GABRG3: variants seen among roughly 807,000 people sequenced by gnomAD.
The protein encoded by GABRG3 is gamma-aminobutyric acid receptor subunit gamma-3.
Under a neutral mutation model 48.8 loss-of-function variants are expected in GABRG3, and 25 were observed. The observed-to-expected ratio is 0.51, with a 90% CI of 0.37 to 0.72. GABRG3 has a LOEUF of 0.72. GABRG3 is among the 30% of genes least tolerant of loss of function. The probability of loss-of-function intolerance (pLI) is 0.00; values close to 1 mark genes in which losing one functional copy is unlikely to be tolerated. For missense variants in GABRG3, 394 were observed against 577.9 expected, an observed-to-expected ratio of 0.68 and a Z score of 3.26; for synonymous variants, 227 against 217.6, an observed-to-expected ratio of 1.04 and a Z score of -0.38.
intron 3 of GABRG3, among the ~76,000 whole-genome samples, chr15:27,045,096 A>G (rs1896340017): frequency 6.6e-6 from 1 of 152,228 alleles, no homozygotes. Flanking sequence ...AACTACTGAG[A>G]CAGATTATTA....
chr15:27,416,737 T>TG (rs1887951698), intron 5 of GABRG3, among the ~76,000 whole-genome samples: 1 of 152,186 alleles, frequency 6.6e-6, no homozygotes, highest in Non-Finnish European at 1.5e-5. Flanking sequence ...TCTGGGTTTC[T>TG]GCCCCGGTAA....
chr15:27,263,122 T>C (rs1483173898), intron 3 of GABRG3, among the ~76,000 whole-genome samples: 2 of 152,196 alleles, frequency 1.3e-5, no homozygotes, highest in African/African-American at 4.8e-5. Context: ...TAGTGCCGCA[T>C]CAGCAGTCAT....
intron 6 of GABRG3, among the ~76,000 whole-genome samples, chr15:27,495,897 G>C (rs1053834958): frequency 6.6e-6 from 1 of 152,120 alleles, no homozygotes; most frequent in African/African-American, 2.4e-5. Context: ...GGACATTTTG[G>C]ATGTTTTACT....
intron 3 of GABRG3, among the ~76,000 whole-genome samples, chr15:27,183,021 G>C (rs894811484): frequency 9.9e-5 from 15 of 152,140 alleles, no homozygotes; most frequent in Non-Finnish European, 1.5e-4. Flanking sequence ...TAGTGAAGCT[G>C]ATCAATTCGT....
At chr15:27,345,197 A>G (rs559727739) in intron 5 of GABRG3, among the ~76,000 whole-genome samples, 1 of 152,308 alleles carries the variant, frequency 6.6e-6, no homozygotes, top group East Asian at 1.9e-4. Context: ...ATTTACACTT[A>G]AAGTGATTAT....
intron 5 of GABRG3, among the ~76,000 whole-genome samples, chr15:27,431,474 G>C (rs939074553): frequency 6.6e-6 from 1 of 152,124 alleles, no homozygotes; most frequent in Non-Finnish European, 1.5e-5. Flanking sequence ...TATAAATAGA[G>C]ATTGTTTTAC....
chr15:27,222,320 G>T (rs571789760), intron 3 of GABRG3, among the ~76,000 whole-genome samples: 1 of 152,336 alleles, frequency 6.6e-6, no homozygotes, highest in East Asian at 1.9e-4. Context: ...TGGGGGAACA[G>T]AAGAAGTTGT....
chr15:27,213,075 C>A (rs527586711), intron 3 of GABRG3, among the ~76,000 whole-genome samples: 2 of 152,238 alleles, frequency 1.3e-5, no homozygotes, highest in Admixed American at 6.5e-5. Flanking sequence ...TGCTGTATTA[C>A]ATAAGAAAAT....
At chr15:27,307,159 A>T (rs1328194026) in intron 3 of GABRG3, among the ~76,000 whole-genome samples, 1 of 138,612 alleles carries the variant, frequency 7.2e-6, no homozygotes, top group East Asian at 2.2e-4. Flanking sequence ...AACATATAAA[A>T]ACATGTTTAT....
chr15:27,234,903 A>G (rs1351954959), intron 3 of GABRG3, among the ~76,000 whole-genome samples: 2 of 152,114 alleles, frequency 1.3e-5, no homozygotes, highest in African/African-American at 4.8e-5. Flanking sequence ...CAGCTGAGGT[A>G]CCCAGCGTGA....
At chr15:27,239,622 C>T (rs1284335212) in intron 3 of GABRG3, among the ~76,000 whole-genome samples, 2 of 152,042 alleles carry the variant, frequency 1.3e-5, no homozygotes, top group Non-Finnish European at 2.9e-5. Flanking sequence ...TAATAAACAT[C>T]TATTAAGTGT....
At chr15:27,489,162 AATGATGGTTTCCAGCTTCATCC>A (rs1213706460) in intron 6 of GABRG3, among the ~76,000 whole-genome samples, 1 of 151,956 alleles carries the variant, frequency 6.6e-6, no homozygotes, top group Non-Finnish European at 1.5e-5. Flanking sequence ...GTTTGCTGAG[AATGATGGTTTCCAGCTTCATCC>A]ATGTCCCTGC....
chr15:27,376,572 T>C (rs1376324956), intron 5 of GABRG3, among the ~76,000 whole-genome samples: 4 of 152,196 alleles, frequency 2.6e-5, no homozygotes, highest in African/African-American at 9.6e-5. Context: ...CCTCACAGGC[T>C]CAACACCACG....
intron 5 of GABRG3, among the ~76,000 whole-genome samples, chr15:27,400,949 G>A (rs1212182321): frequency 1.3e-5 from 2 of 152,134 alleles, no homozygotes; most frequent in African/African-American, 4.8e-5. Context: ...CTTCTCTTCC[G>A]CAAGTAGTCC....
chr15:27,505,769 A>C (rs772266800), intron 6 of GABRG3, among the ~76,000 whole-genome samples: 6 of 152,192 alleles, frequency 3.9e-5, no homozygotes, highest in Non-Finnish European at 8.8e-5. Flanking sequence ...ATTAAGGCCT[A>C]ATAGAGTAAG....
chr15:27,255,711 G>A (rs1450249015), intron 3 of GABRG3, among the ~76,000 whole-genome samples: 1 of 152,118 alleles, frequency 6.6e-6, no homozygotes, highest in Non-Finnish European at 1.5e-5. Flanking sequence ...CCTTGGAAAT[G>A]CTGATTTCTG....
intron 2 of GABRG3, among the ~76,000 whole-genome samples, chr15:27,023,285 T>TA (rs1895929583): frequency 6.6e-6 from 1 of 152,206 alleles, no homozygotes; most frequent in Non-Finnish European, 1.5e-5. Context: ...CTTGGCTACA[T>TA]AGGGCTTATT....
intron 5 of GABRG3, among the ~76,000 whole-genome samples, chr15:27,448,952 A>G (rs1173959316): frequency 2.0e-5 from 3 of 152,240 alleles, no homozygotes; most frequent in Non-Finnish European, 2.9e-5. Flanking sequence ...ACAGCTGGAT[A>G]ATAAATTTAG....
intron 6 of GABRG3, among the ~76,000 whole-genome samples, chr15:27,504,431 A>G (rs1890715943): frequency 6.6e-6 from 1 of 152,162 alleles, no homozygotes; most frequent in South Asian, 2.1e-4. Context: ...TCTTGAACTT[A>G]CCACAGGGTA....
Sources: gnomAD v4.1 joint callset for allele counts (sites outside exome capture counted in the v4.1 genomes callset) on GRCh38, gnomAD v4.1.1 for gene constraint, MANE v1.5 for transcripts, NCBI Gene and HGNC (gene_info 2026-07-23, HGNC 2026-07-21) for gene names.